The following ZNF677 variants were observed in gnomAD, a reference collection of about 807,000 sequenced individuals.
The protein encoded by ZNF677 is zinc finger protein 677.
A neutral mutation model predicts 8.1 loss-of-function variants in ZNF677; 5 were observed. The ratio of observed to expected loss-of-function variants is 0.62; its 90% CI spans 0.32 to 1.29. The LOEUF (loss-of-function observed/expected upper bound fraction) is 1.29. Ranked by LOEUF, ZNF677 falls within the 50% of genes most tolerant of loss-of-function variation. ZNF677 has a pLI of 0.05. For missense variants in ZNF677, 685 were observed against 685.9 expected, an observed-to-expected ratio of 1.00 and a Z score of 0.01; for synonymous variants, 221 against 225.6, an observed-to-expected ratio of 0.98 and a Z score of 0.18.
In ZNF677 at chr19:53,237,606, G is replaced by A. The variant is rs759020869; in HGVS notation, c.1121C>T (p.Pro374Leu). 33 of 1,613,696 alleles carry A rather than the reference G, an allele frequency of 2.0e-5. No individual in the cohort carries two copies. The highest frequency in any genetic ancestry group is 2.7e-5 in the Non-Finnish European group (32 of 1,179,878). The change falls in exon 5 of 5, where the codon CCT becomes CTT. Residue 374 changes from proline to leucine, a missense_variant. By Grantham distance (98) the Pro-to-Leu change is moderately conservative. Coordinates refer to ENST00000598513, the MANE Select transcript of ZNF677 (RefSeq NM_182609.4). ...GHERIHTGEK[P>L]YKCNECDKAF... The stretch of plus-strand genomic sequence containing the variant: ...TTTGTCACATTCATTACATTTGTAA[G>A]GTTTCTCTCCAGTATGAATTCTTTC...
intron 3 of ZNF677, among the ~76,000 whole-genome samples, chr19:53,251,220 G>A (rs2091228290): frequency 6.6e-6 from 1 of 152,098 alleles, no homozygotes; most frequent in African/African-American, 2.4e-5. Flanking sequence ...AGATGAAAGG[G>A]TATCCAAATG....
intron 4 of ZNF677, 189 bp from the exon 5 acceptor site, chr19:53,238,746 A>G: frequency 2.1e-6 from 1 of 469,698 alleles, no homozygotes; most frequent in Admixed American, 3.9e-5. Flanking sequence ...CAGTAACAAA[A>G]CATGTAACAA....
chr19:53,237,090 TTA>T lies in ZNF677; in HGVS notation c.1635_1636del (p.His545GlnfsTer5). On this transcript the variant is annotated frameshift_variant, in exon 5 of 5. Transcript: ENST00000598513. LOFTEE classifies it low-confidence loss of function (END_TRUNC). ...TTGGAATAAAGCATTACCATGTATA[TTA>T]TGTTTACAATGTTTCTTTTCAATGT... The T allele has an allele frequency of 1.2e-6, 2 of 1,613,822 alleles. No individual in the cohort carries two copies. The highest frequency in any genetic ancestry group is 1.7e-6 in the Non-Finnish European group (2 of 1,179,902).
In ZNF677 at chr19:53,241,571, T is replaced by C. The variant is rs960789995; in HGVS notation, c.169+2173A>G. The C allele has an allele frequency of 1.2e-5, 4 of 347,724 alleles. No homozygotes were observed. The Admixed American group carries it at 1.4e-4, about 12-fold the overall frequency. 21.5% of individuals were successfully genotyped at this position (347,724 alleles called of 1,614,324 possible). A position where few individuals can be genotyped will look rare whatever the true frequency, so the allele number is the denominator to read the frequency against. On this transcript the variant is annotated intron_variant, in intron 4 of 4. Transcript: ENST00000598513. ...TCCCAGGAGAAACTCCTACACCTTGTACTGCTGGCTCCAAGAGGATGATCA... is the reference window on the plus strand; with the variant it reads ...TCCCAGGAGAAACTCCTACACCTTGCACTGCTGGCTCCAAGAGGATGATCA...
chr19:53,245,885 G>A (rs532765573), intron 3 of ZNF677, among the ~76,000 whole-genome samples: 7 of 152,178 alleles, frequency 4.6e-5, no homozygotes, highest in South Asian at 2.1e-4. Context: ...GGTGGTGGGC[G>A]CCTGTAATCC....
intron 3 of ZNF677, chr19:53,249,148 T>G (rs1373514035): frequency 6.6e-6 from 1 of 152,260 alleles, no homozygotes; most frequent in Admixed American, 6.5e-5. Flanking sequence ...TCTATGTTTT[T>G]ACTGATATTC....
chr19:53,248,446 G>A (rs1310231954), intron 3 of ZNF677, among the ~76,000 whole-genome samples: 1 of 152,152 alleles, frequency 6.6e-6, no homozygotes, highest in African/African-American at 2.4e-5. Flanking sequence ...TACTGCTGGT[G>A]TCCTTTTACT....
intron 2 of ZNF677, among the ~76,000 whole-genome samples, chr19:53,252,871 C>A (rs1341037518): frequency 6.6e-6 from 1 of 152,164 alleles, no homozygotes; most frequent in African/African-American, 2.4e-5. Flanking sequence ...AATCGCACCC[C>A]ACCTCCAGTC....
intron 3 of ZNF677, 28 bp downstream of exon 3, chr19:53,251,508 A>C (rs1256466744): frequency 1.9e-6 from 3 of 1,605,168 alleles, no homozygotes; most frequent in Non-Finnish European, 2.6e-6. Flanking sequence ...GAGAGGACAA[A>C]ACAGTGAACC....
intron 3 of ZNF677, among the ~76,000 whole-genome samples, chr19:53,249,854 T>G (rs997589052): frequency 6.6e-6 from 1 of 152,172 alleles, no homozygotes; most frequent in African/African-American, 2.4e-5. Context: ...AGCCATCTTT[T>G]GGCTATTATT....
intron 3 of ZNF677, among the ~76,000 whole-genome samples, chr19:53,250,270 G>A (rs1462362649): frequency 6.6e-6 from 1 of 152,190 alleles, no homozygotes; most frequent in Non-Finnish European, 1.5e-5. Flanking sequence ...GTGTAAATTA[G>A]TTCAACCATC....
chr19:53,245,353 G>C (rs1046922679), intron 3 of ZNF677, among the ~76,000 whole-genome samples: 1 of 152,002 alleles, frequency 6.6e-6, no homozygotes, highest in African/African-American at 2.4e-5. Flanking sequence ...CTTATGGAAT[G>C]GGAAAATATT....
rs2090984776 is a variant in ZNF677, at chr19:53,237,523, G to C, written c.1204C>G (p.Pro402Ala). Residue 402 changes from proline (P) to alanine (A), a missense_variant, in exon 5 of 5, where the codon CCT becomes GCT. Transcript: ENST00000598513. The stretch of plus-strand genomic sequence containing the variant: ...TTGCCACACTCATTACATATGTAAG[G>C]CTTCTCTCCAGTATGGATTCTCTTA... ...QHKRIHTGEK[P>A]YICNECGKAF... 1.2e-6 allele frequency: 2 copies of C among 1,613,836 alleles called. No homozygotes were observed. Among genetic ancestry groups the C allele is most frequent in the Non-Finnish European group, 1.7e-6 (2 of 1,179,958 alleles).
intron 3 of ZNF677, among the ~76,000 whole-genome samples, chr19:53,245,031 A>T (rs181542609): frequency 3.3e-5 from 5 of 152,300 alleles, no homozygotes; most frequent in Non-Finnish European, 7.4e-5. Context: ...TAGTGCTGGG[A>T]AATCTGTACA....
At chr19:53,246,526 A>T (rs1022052517) in intron 3 of ZNF677, among the ~76,000 whole-genome samples, 3 of 127,080 alleles carry the variant, frequency 2.4e-5, no homozygotes, top group South Asian at 5.3e-4. Context: ...ACACACACAC[A>T]CACACTCACA....
Position 53,237,636 on chromosome 19 carries a change from C to A in ZNF677, c.1091G>T (p.Gly364Val). The change falls in exon 5 of 5, where the codon GGT (glycine) becomes GTT (valine). Residue 364 changes from glycine to valine, a missense_variant. Physicochemically the swap from Gly to Val is moderately radical, Grantham distance 109. Transcript: ENST00000598513. ...KAFIQRSHLW[G>V]HERIHTGEKP... The stretch of plus-strand genomic sequence containing the variant: ...CTCTCCAGTATGAATTCTTTCATGA[C>A]CCCAAAGGTGTGAACGCTGGATAAA... 6.2e-7 allele frequency: 1 copy of A among 1,613,402 alleles called. No individual in the cohort carries two copies. The highest frequency in any genetic ancestry group is 1.7e-5 in the Admixed American group (1 of 59,964).
rs576912456 is a variant in ZNF677 at position 53,242,443 on chromosome 19, A to G, written c.169+1301T>C. 4.0e-5 allele frequency: 16 copies of G among 398,652 alleles called. No individual in the cohort carries two copies. The South Asian group carries it at 2.0e-3, about 51-fold the overall frequency. The allele number at this position is 398,652 out of a possible 1,614,324, so 24.7% of individuals were successfully genotyped here. On this transcript the variant is annotated intron_variant, in intron 4 of 4. Coordinates refer to ENST00000598513, the MANE Select transcript of ZNF677 (RefSeq NM_182609.4). ...TCCACAGGCTGCAAGGTGAGAACCTAAAAGAATGAGATATATTCCCATTTT... is the reference window on the plus strand; with the variant it reads ...TCCACAGGCTGCAAGGTGAGAACCTGAAAGAATGAGATATATTCCCATTTT...
intron 3 of ZNF677, among the ~76,000 whole-genome samples, chr19:53,251,332 A>T (rs1465051766): frequency 6.6e-6 from 1 of 152,166 alleles, no homozygotes; most frequent in Non-Finnish European, 1.5e-5. Flanking sequence ...CAGAACAATC[A>T]TCTAAACGGA....
rs2090999453 is a variant in ZNF677 at position 53,238,376 on chromosome 19, G to A, written c.351C>T (p.Tyr117=). The A allele has an allele frequency of 6.2e-7, 1 of 1,613,540 alleles. No individual in the cohort carries two copies. The highest frequency in any genetic ancestry group is 1.3e-5 in the African/African-American group (1 of 74,994). Residue 117 remains tyrosine (Y), a synonymous_variant, in exon 5 of 5, where the codon TAC becomes TAT. Transcript: ENST00000598513. Reference sequence around the variant, plus strand: ...TGTTACAGGTCAAAGGCATTCCTTTGTAATTTTTTACATCATAGTCCCACA... The same window carrying A: ...TGTTACAGGTCAAAGGCATTCCTTTATAATTTTTTACATCATAGTCCCACA... ...DSLWDYDVKN[Y]KGMPLTCNKN...
Sources: allele counts gnomAD v4.1 joint callset (sites outside exome capture counted in the v4.1 genomes callset), GRCh38; gene constraint gnomAD v4.1.1; transcripts MANE v1.5; gene names NCBI Gene and HGNC (gene_info 2026-07-23, HGNC 2026-07-21).